KCNQ1: variants seen among roughly 807,000 people sequenced by gnomAD.
The protein encoded by KCNQ1 is potassium voltage-gated channel subfamily Q member 1, also known as potassium voltage-gated channel subfamily KQT member 1.
KCNQ1 carries 49 observed loss-of-function variants against 72.4 expected under a neutral mutation model. That is an observed-to-expected ratio of 0.68 (90% confidence interval 0.54 to 0.86). The LOEUF (loss-of-function observed/expected upper bound fraction) is 0.86. KCNQ1 is among the 40% of genes least tolerant of loss of function. KCNQ1 has a pLI of 0.00. For missense variants in KCNQ1, 790 were observed against 945.1 expected (o/e 0.84, Z 2.15); for synonymous variants, 450 against 412.6 (o/e 1.09, Z -1.10).
chr11:2,467,670 T>G, intron 1 of KCNQ1, among the ~76,000 whole-genome samples: 1 of 151,896 alleles, frequency 6.6e-6, no homozygotes, highest in African/African-American at 2.4e-5. Flanking sequence ...CTGGCCCAGG[T>G]GAGGTGAGAG....
chr11:2,527,836 C>CGG, intron 1 of KCNQ1, 92 bp from the exon 2 acceptor site: 1 of 1,045,512 alleles, frequency 9.6e-7, no homozygotes, highest in South Asian at 1.3e-5. Context: ...TACCTGGGGG[C>CGG]GGGGCTGAGG....
chr11:2,572,281 GCCCAGCCTGGATGCTCCAC>G (rs1848349595), intron 5 of KCNQ1, among the ~76,000 whole-genome samples, 172 bp downstream of exon 5: 1 of 152,200 alleles, frequency 6.6e-6, no homozygotes, highest in Non-Finnish European at 1.5e-5. Flanking sequence ...CCAAGCTTGA[GCCCAGCCTGGATGCTCCAC>G]CCCAGCCTGG....
At chr11:2,730,624 GGACTTTGTCCCTAGGCATC>G (rs1300521448) in intron 11 of KCNQ1, among the ~76,000 whole-genome samples, 9 of 152,218 alleles carry the variant, frequency 5.9e-5, no homozygotes, top group Non-Finnish European at 1.2e-4. Context: ...GGAGGCAGGT[GGACTTTGTCCCTAGGCATC>G]CAGTGCAGAG....
At position 2,511,071 on chromosome 11, in the gene KCNQ1, CT is replaced by C. The variant is rs1847191800; in HGVS notation, c.387-16856del. Reference sequence around the variant, plus strand: ...TGTGTTCATTTACGGTTTATTTTCTCTCTCCCTGTGTCTGTTATCTGTCTCT... The same window carrying C: ...TGTGTTCATTTACGGTTTATTTTCTCCTCCCTGTGTCTGTTATCTGTCTCT... On this transcript the variant is annotated intron_variant, in intron 1 of 15. Transcript: ENST00000155840. Among the ~76,000 whole-genome samples, 3 of 152,298 alleles carry C rather than the reference CT, an allele frequency of 2.0e-5. No homozygotes were observed. The South Asian group carries it at 6.2e-4, about 32-fold the overall frequency.
intron 1 of KCNQ1, among the ~76,000 whole-genome samples, chr11:2,476,945 TC>T (rs1384925111): frequency 6.6e-6 from 1 of 152,190 alleles, no homozygotes; most frequent in Non-Finnish European, 1.5e-5. Flanking sequence ...CACCTCGGCC[TC>T]CCAAAGTGCT....
chr11:2,725,540 G>A lies in KCNQ1; in HGVS notation c.1515-43304G>A, dbSNP rs1180866890. ...TGCGTTTAGCTGTGGTTTAGGAAGT[G>A]CATTCACGTGAAGTCGCCAAGTTCA... On this transcript the variant is annotated intron_variant, in intron 11 of 15. Transcript: ENST00000155840. This position sits in a 1 kb window ranked among gnomAD's most constrained non-coding sequence, Gnocchi z 7.2. Among the ~76,000 whole-genome samples, 3 of 152,224 alleles carry A rather than the reference G, an allele frequency of 2.0e-5. No individual in the cohort carries two copies. The highest frequency in any genetic ancestry group is 6.5e-5 in the Admixed American group (1 of 15,288).
chr11:2,607,318 A>G (rs963314485), intron 10 of KCNQ1, among the ~76,000 whole-genome samples: 2 of 152,120 alleles, frequency 1.3e-5, no homozygotes, highest in Non-Finnish European at 2.9e-5. Context: ...TTATCACCCA[A>G]ATGCTTTTCT....
At chr11:2,799,233 G>A (rs1262037318) in intron 15 of KCNQ1, among the ~76,000 whole-genome samples, 2 of 152,248 alleles carry the variant, frequency 1.3e-5, no homozygotes, top group Non-Finnish European at 2.9e-5. Flanking sequence ...GCAGGGGCCG[G>A]ACCACGGGGG....
chr11:2,742,884 C>T (rs1846080196), intron 11 of KCNQ1, among the ~76,000 whole-genome samples: 1 of 152,186 alleles, frequency 6.6e-6, no homozygotes, highest in Non-Finnish European at 1.5e-5. Context: ...TGCTCCGAGC[C>T]CCCACACCTG....
chr11:2,496,225 A>G (rs1564797282), intron 1 of KCNQ1, among the ~76,000 whole-genome samples: 1 of 151,978 alleles, frequency 6.6e-6, no homozygotes, highest in Non-Finnish European at 1.5e-5. Context: ...TCACGAGATC[A>G]GGAGATCGAG....
intron 11 of KCNQ1, among the ~76,000 whole-genome samples, chr11:2,747,055 G>A (rs1035518875): frequency 6.6e-6 from 1 of 152,232 alleles, no homozygotes; most frequent in African/African-American, 2.4e-5. Context: ...GCTGTCCCTG[G>A]GGCTCTGGCG....
rs1430682226 is a variant in KCNQ1 at position 2,447,323 on chromosome 11, C to T, written c.386+1839C>T. On this transcript the variant is annotated intron_variant, in intron 1 of 15. Coordinates refer to ENST00000155840, the MANE Select transcript of KCNQ1 (RefSeq NM_000218.3). This position sits in a 1 kb window ranked among gnomAD's most constrained non-coding sequence, Gnocchi z 7.6. ...AGGATGGCTTCTGTGAAGGGGTGGCCAGGAAAGGGATGCTTCTGTGAAGTG... is the reference window on the plus strand; with the variant it reads ...AGGATGGCTTCTGTGAAGGGGTGGCTAGGAAAGGGATGCTTCTGTGAAGTG... Among the ~76,000 whole-genome samples, 3 of 152,108 alleles carry T rather than the reference C, an allele frequency of 2.0e-5. No homozygotes were observed. Among genetic ancestry groups the T allele is most frequent in the Non-Finnish European group, 2.9e-5 (2 of 68,014 alleles).
intron 15 of KCNQ1, among the ~76,000 whole-genome samples, chr11:2,798,009 C>T (rs912457563): frequency 7.9e-5 from 12 of 152,206 alleles, no homozygotes; most frequent in African/African-American, 2.9e-4. Flanking sequence ...TCAGCCCTCT[C>T]ACCCTCACAG....
chr11:2,459,613 CTTG>C (rs1487990678), intron 1 of KCNQ1, among the ~76,000 whole-genome samples: 5 of 152,152 alleles, frequency 3.3e-5, no homozygotes, highest in African/African-American at 1.2e-4. Context: ...GACAAGTCAG[CTTG>C]TTGTTCCGTC....
intron 11 of KCNQ1, 30 bp downstream of exon 11, chr11:2,662,111 G>C: frequency 6.2e-7 from 1 of 1,613,910 alleles, no homozygotes; most frequent in African/African-American, 1.3e-5. Flanking sequence ...TGAAGGGCTG[G>C]GCTGGAGGGG....
chr11:2,619,167 T>A lies in KCNQ1; in HGVS notation c.1393+30313T>A, dbSNP rs534615494. ...ACTTCCTGATTTGAATGTCTTTCAT[T>A]TCTTTTTCTTGTCTGTTTGGTTGTA... On this transcript the variant is annotated intron_variant, in intron 10 of 15. Coordinates refer to ENST00000155840, the MANE Select transcript of KCNQ1 (RefSeq NM_000218.3). The A allele has an allele frequency of 1.8e-5, 7 of 398,528 alleles. No homozygotes were observed. The Admixed American group carries it at 2.6e-4, about 15-fold the overall frequency. The allele number at this position is 398,528 out of a possible 1,614,324, so 24.7% of individuals were successfully genotyped here.
rs189693891 is a variant in KCNQ1, at chr11:2,843,300, G to T, written c.1795-4467G>T. Among the ~76,000 whole-genome samples, 20 of 152,366 alleles carry T rather than the reference G, an allele frequency of 1.3e-4. No individual in the cohort carries two copies. In the East Asian group the frequency reaches 3.7e-3, roughly 28 times the overall value. ...GTGCCCAGCTCCACACAGGAGCCGG[G>T]TCTGACATCCGATTGCTCAGAGCCT... On this transcript the variant is annotated intron_variant, in intron 15 of 15. Transcript: ENST00000155840.
chr11:2,505,419 G>T (rs892166926), intron 1 of KCNQ1, among the ~76,000 whole-genome samples: 2 of 152,064 alleles, frequency 1.3e-5, no homozygotes, highest in Non-Finnish European at 2.9e-5. Context: ...ACATTTCCAC[G>T]TGCACTTGGG....
chr11:2,691,837 C>T lies in KCNQ1; in HGVS notation c.1514+29756C>T, dbSNP rs956241564. ...GGATCCAATGTGACCTCTGCCAGGA[C>T]CATGACCCCTAGGTCCTCTTTTCCA... On this transcript the variant is annotated intron_variant, in intron 11 of 15. Transcript: ENST00000155840. The surrounding 1 kb of genome is among the most constrained non-coding windows in gnomAD (Gnocchi z 6.4). The T allele has an allele frequency of 2.5e-6, 1 of 398,578 alleles. No homozygotes were observed. Among genetic ancestry groups the T allele is most frequent in the African/African-American group, 2.1e-5 (1 of 48,616 alleles). The allele number at this position is 398,578 out of a possible 1,614,324, so 24.7% of individuals were successfully genotyped here. A position where few individuals can be genotyped will look rare whatever the true frequency, so the allele number is the denominator to read the frequency against.
Sources: gnomAD v4.1 joint callset for allele counts (sites outside exome capture counted in the v4.1 genomes callset) on GRCh38, gnomAD v4.1.1 for gene constraint, Gnocchi (gnomAD v3.1) non-coding constraint, MANE v1.5 for transcripts, NCBI Gene and HGNC (gene_info 2026-07-23, HGNC 2026-07-21) for gene names.